WWOX: variants seen among roughly 807,000 people sequenced by gnomAD.
WWOX encodes the protein WW domain-containing oxidoreductase.
WWOX carries 69 observed loss-of-function variants against 46.2 expected under a neutral mutation model. The ratio of observed to expected loss-of-function variants is 1.49; its 90% CI spans 1.23 to 1.82. WWOX has a LOEUF of 1.82. Ranked by LOEUF, WWOX falls within the 40% of genes most tolerant of loss-of-function variation. The probability of loss-of-function intolerance (pLI) is 0.00; values close to 1 mark genes in which losing one functional copy is unlikely to be tolerated. For missense variants in WWOX, 919 were observed against 542.6 expected, an observed-to-expected ratio of 1.69 and a Z score of -6.89; for synonymous variants, 359 against 202.6, an observed-to-expected ratio of 1.77 and a Z score of -6.56.
intron 8 of WWOX, among the ~76,000 whole-genome samples, chr16:78,524,177 T>G (rs2043407841): frequency 1.3e-5 from 2 of 152,202 alleles, no homozygotes; most frequent in African/African-American, 4.8e-5. Context: ...CTTTTTCTCT[T>G]TATAAAGTAA....
intron 8 of WWOX, among the ~76,000 whole-genome samples, chr16:79,123,566 G>C (rs1209672038): frequency 3.9e-5 from 6 of 152,080 alleles, no homozygotes; most frequent in African/African-American, 1.4e-4. Flanking sequence ...GATTAAGGAC[G>C]TTGAGACCCA....
intron 8 of WWOX, among the ~76,000 whole-genome samples, chr16:79,107,461 A>G (rs901032480): frequency 2.6e-5 from 4 of 152,046 alleles, no homozygotes; most frequent in African/African-American, 9.7e-5. Flanking sequence ...TCAATAACAA[A>G]GAAAAGAAAA....
intron 8 of WWOX, among the ~76,000 whole-genome samples, chr16:78,953,669 C>G (rs2046108195): frequency 6.6e-6 from 1 of 152,114 alleles, no homozygotes; most frequent in African/African-American, 2.4e-5. Flanking sequence ...ACCTCTGTGC[C>G]AAGCATTTCG....
intron 4 of WWOX, among the ~76,000 whole-genome samples, chr16:78,136,867 TAGAC>T (rs1298295045): frequency 4.0e-5 from 6 of 151,776 alleles, no homozygotes; most frequent in African/African-American, 1.2e-4. Context: ...CCACCACAAT[TAGAC>T]AGGGTAATGG....
chr16:78,261,385 A>G (rs2079230303), intron 5 of WWOX, among the ~76,000 whole-genome samples: 1 of 148,230 alleles, frequency 6.7e-6, no homozygotes, highest in Non-Finnish European at 1.5e-5. Context: ...AGCCTAGGCG[A>G]CAGAGCAAGA....
At chr16:78,671,059 AC>A (rs1425097717) in intron 8 of WWOX, among the ~76,000 whole-genome samples, 2 of 152,080 alleles carry the variant, frequency 1.3e-5, no homozygotes, top group Non-Finnish European at 2.9e-5. Context: ...CTCCTGCAGA[AC>A]CCCCAGAAGG....
intron 5 of WWOX, among the ~76,000 whole-genome samples, chr16:78,254,778 C>T (rs2038082670): frequency 6.6e-6 from 1 of 152,128 alleles, no homozygotes; most frequent in Non-Finnish European, 1.5e-5. Flanking sequence ...ATCTGCCTGC[C>T]TCATCTTCCC....
Position 78,643,574 on chromosome 16 carries a change from C to A in WWOX, c.1056+210822C>A, listed in dbSNP as rs556885199. Reference sequence around the variant, plus strand: ...AGCACTCCCCAGAGCCTTCCAGCCCCCTGTAGGAGAGGGAGGTTAATCAGC... The same window carrying A: ...AGCACTCCCCAGAGCCTTCCAGCCCACTGTAGGAGAGGGAGGTTAATCAGC... On this transcript the variant is annotated intron_variant, in intron 8 of 8. Transcript: ENST00000566780. 1.8e-4 allele frequency among the ~76,000 whole-genome samples: 28 copies of A among 152,216 alleles called. No homozygotes were observed. In the South Asian group the frequency reaches 5.4e-3, roughly 29 times the overall value.
intron 8 of WWOX, among the ~76,000 whole-genome samples, chr16:78,862,793 C>T (rs111430195): frequency 1.1e-4 from 16 of 152,176 alleles, no homozygotes; most frequent in African/African-American, 3.4e-4. Flanking sequence ...AAGCCACCCA[C>T]ACTGGGAAGG....
chr16:78,985,781 AG>A (rs34565392), intron 8 of WWOX, among the ~76,000 whole-genome samples: 124,560 of 151,582 alleles, frequency 0.82, 53,731 homozygotes, highest in Non-Finnish European at 0.96. Flanking sequence ...AAAGAAAAAA[AG>A]AATAGGCACA....
chr16:78,441,548 G>T (rs1369801885), intron 8 of WWOX, among the ~76,000 whole-genome samples: 2 of 152,124 alleles, frequency 1.3e-5, no homozygotes, highest in East Asian at 1.9e-4. Context: ...AGCGGTGTGG[G>T]TATGTTTGGA....
chr16:78,703,579 A>G (rs114218432), intron 8 of WWOX, among the ~76,000 whole-genome samples: 2,679 of 152,140 alleles, frequency 0.018, 71 homozygotes, highest in African/African-American at 0.06. Flanking sequence ...TGGTCTCACC[A>G]CTACACTTCA....
chr16:78,491,983 C>A lies in WWOX; in HGVS notation c.1056+59231C>A, dbSNP rs375828281. Among the ~76,000 whole-genome samples, 17 of 152,134 alleles carry A rather than the reference C, an allele frequency of 1.1e-4. No homozygotes were observed. The East Asian group carries it at 2.5e-3, about 23-fold the overall frequency. On this transcript the variant is annotated intron_variant, in intron 8 of 8. Coordinates refer to ENST00000566780, the MANE Select transcript of WWOX (RefSeq NM_016373.4). ...CCTGACTTTCTCCCTGGTCCAGGTG[C>A]ATTTTAAGCATGGAAGGTGACACTT...
At chr16:79,182,805 C>G (rs765503380) in intron 8 of WWOX, among the ~76,000 whole-genome samples, 2 of 152,294 alleles carry the variant, frequency 1.3e-5, no homozygotes, top group East Asian at 1.9e-4. Context: ...TGGCACAGAA[C>G]GAGCACTGTG....
At chr16:78,992,154 C>T (rs1341785023) in intron 8 of WWOX, among the ~76,000 whole-genome samples, 8 of 152,158 alleles carry the variant, frequency 5.3e-5, no homozygotes, top group Admixed American at 5.2e-4. Context: ...GAGGCATTCA[C>T]AGGTAAAGAA....
intron 8 of WWOX, among the ~76,000 whole-genome samples, chr16:78,964,614 A>G (rs34480434): frequency 0.042 from 6,460 of 152,334 alleles, 181 homozygotes; most frequent in Non-Finnish European, 0.065. Context: ...TAGAAAAGAA[A>G]AACCCATTTT....
intron 8 of WWOX, chr16:78,825,498 C>A: frequency 4.2e-6 from 2 of 481,696 alleles, no homozygotes; most frequent in South Asian, 1.6e-5. Context: ...TGCTGTAGTT[C>A]AGAAGAGATT....
At chr16:78,146,353 C>T (rs2034197253) in intron 4 of WWOX, among the ~76,000 whole-genome samples, 1 of 152,124 alleles carries the variant, frequency 6.6e-6, no homozygotes, top group Non-Finnish European at 1.5e-5. Context: ...TCACAATGTT[C>T]ACATTACCTA....
Position 78,871,719 on chromosome 16 carries a change from C to T in WWOX, c.1057-339889C>T, listed in dbSNP as rs546799065. Among the ~76,000 whole-genome samples, 4 of 152,330 alleles carry T rather than the reference C, an allele frequency of 2.6e-5. No individual in the cohort carries two copies. The South Asian group carries it at 8.3e-4, about 32-fold the overall frequency. On this transcript the variant is annotated intron_variant, in intron 8 of 8. Coordinates refer to ENST00000566780, the MANE Select transcript of WWOX (RefSeq NM_016373.4). Reference sequence around the variant, plus strand: ...GGTTCAAGCAATTCTCCTGCCTCAGCCTTCCAAGCAGCTGGGACTACAGGC... The same window carrying T: ...GGTTCAAGCAATTCTCCTGCCTCAGTCTTCCAAGCAGCTGGGACTACAGGC...
Sources: gnomAD v4.1 joint callset for allele counts (sites outside exome capture counted in the v4.1 genomes callset) on GRCh38, gnomAD v4.1.1 for gene constraint, MANE v1.5 for transcripts, NCBI Gene and HGNC (gene_info 2026-07-23, HGNC 2026-07-21) for gene names.